CFDP1: variants seen among roughly 807,000 people sequenced by gnomAD.
CFDP1 encodes the protein chromatin remodeling protein CFDP1, also known as heterochromatin-stabilizing protein CFDP1.
Under a neutral mutation model 40.1 loss-of-function variants are expected in CFDP1, and 31 were observed. That is an observed-to-expected ratio of 0.77 (90% CI 0.58 to 1.04). The LOEUF (loss-of-function observed/expected upper bound fraction) is 1.04. Ranked by LOEUF, CFDP1 falls within the 50% of genes least tolerant of loss-of-function variation. The pLI is 0.00. For synonymous variants in CFDP1, 167 were observed against 120.0 expected, an observed-to-expected ratio of 1.39 and a Z score of -2.56; for missense variants, 423 against 343.4, an observed-to-expected ratio of 1.23 and a Z score of -1.83.
intron 5 of CFDP1, among the ~76,000 whole-genome samples, chr16:75,361,503 G>A (rs1197592767): frequency 1.3e-5 from 2 of 152,050 alleles, no homozygotes; most frequent in Non-Finnish European, 2.9e-5. Context: ...TGTAATCCCA[G>A]CTACTCAGGA....
intron 5 of CFDP1, among the ~76,000 whole-genome samples, chr16:75,313,333 GTTTTT>G (rs1031609266): frequency 6.6e-6 from 1 of 151,958 alleles, no homozygotes; most frequent in African/African-American, 2.4e-5. Flanking sequence ...GCATGTGAGA[GTTTTT>G]TTTGTTTTTT....
At position 75,384,852 on chromosome 16, in the gene CFDP1, CTATATATATA is replaced by C. The variant is rs59681577; in HGVS notation, c.650+10228_650+10237del. On this transcript the variant is annotated intron_variant, in intron 5 of 6. Transcript: ENST00000283882. ...TACAAGTTGCAAGAAGAAACTAAAA[CTATATATATA>C]TATATATATATATATATATATATAT... is the stretch of plus-strand genomic sequence containing the variant. 3.1e-3 allele frequency among the ~76,000 whole-genome samples: 376 copies of C among 119,896 alleles called. 5 individuals are homozygous for C. The highest frequency in any genetic ancestry group is 0.012 in the African/African-American group (342 of 27,932). 78.7% of individuals were successfully genotyped at this position (119,896 alleles called of 152,430 possible).
intron 5 of CFDP1, among the ~76,000 whole-genome samples, chr16:75,370,551 T>TATA (rs1306868053): frequency 6.6e-5 from 10 of 152,020 alleles, no homozygotes. Flanking sequence ...GAACTTAAAG[T>TATA]ATAATAAAAT....
At chr16:75,411,641 C>G (rs1195532576) in intron 4 of CFDP1, among the ~76,000 whole-genome samples, 184 bp downstream of exon 4, 1 of 152,172 alleles carries the variant, frequency 6.6e-6, no homozygotes, top group Non-Finnish European at 1.5e-5. Flanking sequence ...AACTACACTG[C>G]TATATGTGAA....
chr16:75,364,680 T>A (rs1026089915), intron 5 of CFDP1, among the ~76,000 whole-genome samples: 1 of 152,238 alleles, frequency 6.6e-6, no homozygotes, highest in Non-Finnish European at 1.5e-5. Context: ...TTTTTTGTAT[T>A]GGAAAATATA....
intron 6 of CFDP1, among the ~76,000 whole-genome samples, chr16:75,294,463 T>C (rs2078167762): frequency 1.3e-5 from 2 of 152,166 alleles, no homozygotes; most frequent in African/African-American, 4.8e-5. Flanking sequence ...GTGTGTTGAA[T>C]TGGTGGGTAA....
intron 1 of CFDP1, among the ~76,000 whole-genome samples, chr16:75,426,750 G>A (rs1479753590): frequency 6.6e-6 from 1 of 152,064 alleles, no homozygotes; most frequent in Non-Finnish European, 1.5e-5. Context: ...ACAAAACACT[G>A]CAAAACAAGT....
At chr16:75,367,430 T>TAAA (rs35774804) in intron 5 of CFDP1, among the ~76,000 whole-genome samples, 12 of 120,020 alleles carry the variant, frequency 1.0e-4, no homozygotes, top group South Asian at 2.7e-4. Context: ...ACTCCAGAAC[T>TAAA]AAAAAAAAAA....
At chr16:75,327,084 C>CA (rs1567646517) in intron 5 of CFDP1, among the ~76,000 whole-genome samples, 3 of 151,980 alleles carry the variant, frequency 2.0e-5, no homozygotes, top group African/African-American at 7.3e-5. Flanking sequence ...TCCTGGCACA[C>CA]GGTGAAACCC....
intron 5 of CFDP1, among the ~76,000 whole-genome samples, chr16:75,353,401 T>C (rs997476754): frequency 2.6e-5 from 4 of 152,052 alleles, no homozygotes; most frequent in South Asian, 2.1e-4. Context: ...TAAAATTATA[T>C]ACAATACCTG....
At chr16:75,369,409 C>G (rs528189987) in intron 5 of CFDP1, among the ~76,000 whole-genome samples, 1 of 151,406 alleles carries the variant, frequency 6.6e-6, no homozygotes, top group South Asian at 2.1e-4. Flanking sequence ...AAACAACCCA[C>G]AAAAAAACAA....
At chr16:75,339,221 A>G (rs1597341179) in intron 5 of CFDP1, among the ~76,000 whole-genome samples, 2 of 151,904 alleles carry the variant, frequency 1.3e-5, no homozygotes, top group East Asian at 3.9e-4. Flanking sequence ...TTCTAGGACA[A>G]TTCTTTGGCT....
chr16:75,315,722 G>C (rs2078319996), intron 5 of CFDP1, among the ~76,000 whole-genome samples: 1 of 152,106 alleles, frequency 6.6e-6, no homozygotes, highest in South Asian at 2.1e-4. Context: ...GCCGTGTGGA[G>C]CCATTGCATC....
chr16:75,323,028 T>A (rs777232832), intron 5 of CFDP1, among the ~76,000 whole-genome samples: 12 of 151,834 alleles, frequency 7.9e-5, no homozygotes, highest in Admixed American at 1.3e-4. Context: ...ATTTAGAAAA[T>A]TTTTTTTTCT....
At chr16:75,345,178 T>C (rs116403024) in intron 5 of CFDP1, among the ~76,000 whole-genome samples, 3,405 of 151,808 alleles carry the variant, frequency 0.022, 73 homozygotes, top group African/African-American at 0.055. Flanking sequence ...TAAAACAGGC[T>C]GGGAGCAGTG....
At chr16:75,311,772 T>TG (rs1555553007) in intron 5 of CFDP1, among the ~76,000 whole-genome samples, 3 of 142,674 alleles carry the variant, frequency 2.1e-5, no homozygotes, top group Non-Finnish European at 4.5e-5. Flanking sequence ...CCTTTACAAT[T>TG]TTTTTTTTTT....
intron 5 of CFDP1, among the ~76,000 whole-genome samples, chr16:75,312,645 A>G (rs1188352587): frequency 1.3e-5 from 2 of 152,206 alleles, no homozygotes; most frequent in Non-Finnish European, 2.9e-5. Context: ...TAGTATCTCC[A>G]GAAACATATT....
intron 5 of CFDP1, among the ~76,000 whole-genome samples, chr16:75,332,524 C>T (rs78370744): frequency 0.015 from 2,340 of 151,374 alleles, 57 homozygotes; most frequent in African/African-American, 0.053. Context: ...TACAGTAGCT[C>T]GATGTGGTGG....
chr16:75,311,894 T>C (rs2078295106), intron 5 of CFDP1, among the ~76,000 whole-genome samples: 1 of 151,820 alleles, frequency 6.6e-6, no homozygotes, highest in African/African-American at 2.4e-5. Flanking sequence ...CTCATACAAT[T>C]GCATCCATCA....
Sources: allele counts gnomAD v4.1 joint callset (sites outside exome capture counted in the v4.1 genomes callset), GRCh38; gene constraint gnomAD v4.1.1; transcripts MANE v1.5; gene names NCBI Gene and HGNC (gene_info 2026-07-23, HGNC 2026-07-21).